PPP6R3: variants seen among roughly 807,000 people sequenced by gnomAD.
PPP6R3 encodes the protein protein phosphatase 6 regulatory subunit 3.
A neutral mutation model predicts 110.7 loss-of-function variants in PPP6R3; 38 were observed. The observed-to-expected ratio is 0.34, with a 90% CI of 0.26 to 0.45. The LOEUF is 0.45. Ranked by LOEUF, PPP6R3 falls within the 20% of genes least tolerant of loss-of-function variation. The pLI, the probability that PPP6R3 is intolerant of heterozygous loss-of-function variation, is 1.00. For missense variants in PPP6R3, 870 were observed against 1,062.4 expected (o/e 0.82, Z 2.52); for synonymous variants, 369 against 373.5 (o/e 0.99, Z 0.14).
At chr11:68,607,139 T>A (rs1012652165) in intron 22 of PPP6R3, among the ~76,000 whole-genome samples, 2 of 152,198 alleles carry the variant, frequency 1.3e-5, no homozygotes, top group African/African-American at 4.8e-5. Flanking sequence ...AAATTTCAGT[T>A]GGATTTTTAG....
chr11:68,581,342 TTTAA>T (rs1254463775), intron 14 of PPP6R3, among the ~76,000 whole-genome samples: 2 of 152,262 alleles, frequency 1.3e-5, no homozygotes, highest in Non-Finnish European at 1.5e-5. Context: ...CTTTCTCATC[TTTAA>T]TTAAAGAGTG....
At chr11:68,549,770 G>A (rs890561201) in intron 5 of PPP6R3, among the ~76,000 whole-genome samples, 41 of 152,202 alleles carry the variant, frequency 2.7e-4, no homozygotes, top group African/African-American at 9.9e-4. Context: ...AAAGGAATCA[G>A]TGTGTTTCTG....
chr11:68,495,345 C>G (rs764848874), intron 1 of PPP6R3, among the ~76,000 whole-genome samples: 1 of 152,146 alleles, frequency 6.6e-6, no homozygotes. Flanking sequence ...TTTGTAACAG[C>G]TTTATTGAGA....
intron 8 of PPP6R3, among the ~76,000 whole-genome samples, chr11:68,561,428 A>T (rs1238456853): frequency 6.6e-6 from 1 of 152,152 alleles, no homozygotes; most frequent in Non-Finnish European, 1.5e-5. Flanking sequence ...CAGTTAATTG[A>T]GTCAGTGGAC....
chr11:68,481,837 G>A (rs1409620558), intron 1 of PPP6R3, among the ~76,000 whole-genome samples: 1 of 152,108 alleles, frequency 6.6e-6, no homozygotes, highest in Non-Finnish European at 1.5e-5. Flanking sequence ...TGTCACTTGC[G>A]CTTGGTTCTT....
At chr11:68,588,220 C>T (rs775042705) in intron 16 of PPP6R3, among the ~76,000 whole-genome samples, 196 bp downstream of exon 16, 2 of 152,080 alleles carry the variant, frequency 1.3e-5, no homozygotes, top group South Asian at 2.1e-4. Context: ...CTGCAGTGGC[C>T]GGGTGCGGTG....
chr11:68,468,124 G>A (rs1413192815), intron 1 of PPP6R3, among the ~76,000 whole-genome samples: 1 of 152,188 alleles, frequency 6.6e-6, no homozygotes, highest in African/African-American at 2.4e-5. Context: ...GGAACCAGAA[G>A]GAGCAGAGAA....
chr11:68,545,910 T>C (rs1334160734), intron 4 of PPP6R3, among the ~76,000 whole-genome samples: 1 of 152,224 alleles, frequency 6.6e-6, no homozygotes, highest in Non-Finnish European at 1.5e-5. Context: ...TTTGCCAGAA[T>C]TGCAAGTATA....
In PPP6R3 at chr11:68,600,504, C is replaced by A. The variant is rs2099628498; in HGVS notation, c.2192+10C>A. On this transcript the variant is annotated intron_variant, in intron 20 of 23. Transcript: ENST00000393800. ...TCACGTCTTCCCTGAGGTGAGCGAACATGTGCTGTCTCTACACCCTTCCAC... is the reference window on the plus strand; with the variant it reads ...TCACGTCTTCCCTGAGGTGAGCGAAAATGTGCTGTCTCTACACCCTTCCAC... The A allele has an allele frequency of 9.9e-6, 16 of 1,611,800 alleles. No individual in the cohort carries two copies. Among genetic ancestry groups the A allele is most frequent in the Non-Finnish European group, 1.4e-5 (16 of 1,179,246 alleles).
chr11:68,562,909 T>G (rs992555833), intron 8 of PPP6R3, among the ~76,000 whole-genome samples: 4 of 152,100 alleles, frequency 2.6e-5, no homozygotes, highest in Non-Finnish European at 5.9e-5. Context: ...TACACTAAAA[T>G]TTTAAAATTC....
chr11:68,485,942 G>C (rs951347082), intron 1 of PPP6R3, among the ~76,000 whole-genome samples: 7 of 151,630 alleles, frequency 4.6e-5, no homozygotes, highest in Non-Finnish European at 8.8e-5. Context: ...GGCCAAGGCA[G>C]ACAGATCACT....
intron 1 of PPP6R3, among the ~76,000 whole-genome samples, chr11:68,487,673 ATCT>A (rs1591859839): frequency 6.6e-6 from 1 of 151,838 alleles, no homozygotes; most frequent in Non-Finnish European, 1.5e-5. Flanking sequence ...ATATTATTTA[ATCT>A]TCTGGTATTT....
chr11:68,561,632 A>T (rs760976163), intron 8 of PPP6R3, among the ~76,000 whole-genome samples: 4 of 152,244 alleles, frequency 2.6e-5, no homozygotes, highest in Non-Finnish European at 4.4e-5. Context: ...ACATCAACAG[A>T]CAGCAGATCT....
At chr11:68,509,272 C>T (rs1251441957) in intron 1 of PPP6R3, among the ~76,000 whole-genome samples, 3 of 152,138 alleles carry the variant, frequency 2.0e-5, no homozygotes, top group Non-Finnish European at 4.4e-5. Context: ...CAAAGCATCT[C>T]TTTGTGGCTT....
chr11:68,580,744 A>AT (rs2099550231), intron 14 of PPP6R3, among the ~76,000 whole-genome samples: 1 of 99,114 alleles, frequency 1.0e-5, no homozygotes, highest in African/African-American at 3.7e-5. Flanking sequence ...TGGGTAAATA[A>AT]TCTTTTTTTT....
At chr11:68,498,767 T>C (rs569255063) in intron 1 of PPP6R3, among the ~76,000 whole-genome samples, 79 of 152,368 alleles carry the variant, frequency 5.2e-4, no homozygotes, top group African/African-American at 1.8e-3. Context: ...GTTACAGATA[T>C]TGCTGCTCTG....
At chr11:68,608,825 A>C (rs1439759915) in intron 22 of PPP6R3, among the ~76,000 whole-genome samples, 1 of 152,160 alleles carries the variant, frequency 6.6e-6, no homozygotes, top group Admixed American at 6.5e-5. Flanking sequence ...TTTTTTAAAG[A>C]ATTAGAATTA....
rs1208459430 is a variant in PPP6R3 at position 68,481,730 on chromosome 11, T to TTAC, written c.-158+20905_-158+20906insCTA. On this transcript the variant is annotated intron_variant, in intron 1 of 23. Coordinates refer to ENST00000393800, the MANE Select transcript of PPP6R3 (RefSeq NM_001164161.2). ...CAGTTACTAGTAAAGTGCCTCATGG[T>TTAC]TAGTGTAAACCTTCAGCAGCCTGCC... Among the ~76,000 whole-genome samples, 521 of 152,338 alleles carry TTAC rather than the reference T, an allele frequency of 3.4e-3. 6 individuals carry two copies. Among genetic ancestry groups the TTAC allele is most frequent in the African/African-American group, 0.012 (498 of 41,570 alleles).
intron 1 of PPP6R3, among the ~76,000 whole-genome samples, chr11:68,483,090 T>G (rs1013945215): frequency 6.6e-6 from 1 of 152,226 alleles, no homozygotes; most frequent in Non-Finnish European, 1.5e-5. Context: ...TTTAGAATTA[T>G]ATTGTTTAGT....
Sources: gnomAD v4.1 joint callset for allele counts (sites outside exome capture counted in the v4.1 genomes callset) on GRCh38, gnomAD v4.1.1 for gene constraint, MANE v1.5 for transcripts, NCBI Gene and HGNC (gene_info 2026-07-23, HGNC 2026-07-21) for gene names.